Variants in MERTK observed in about 807,000 individuals in gnomAD.
MERTK encodes MER proto-oncogene, tyrosine kinase.
A neutral mutation model predicts 99.3 loss-of-function variants in MERTK; 69 were observed. That is an observed-to-expected ratio of 0.70 (90% CI 0.57 to 0.85). The LOEUF is 0.85. Among genes scored for constraint, MERTK ranks in the 40% least tolerant of loss-of-function variants. MERTK has a pLI of 0.00. For synonymous variants in MERTK, 426 were observed against 467.6 expected (o/e 0.91, Z 1.15); for missense variants, 1,125 against 1,249.4 (o/e 0.90, Z 1.50).
Position 111,911,347 on chromosome 2 carries a change from TACCATA to T in MERTK, c.61+12552_61+12557del, listed in dbSNP as rs545816163. ...ATCTTCATAGACAAATATGTAAATATACCATAGTTTTATTTATCCAATCTCCTCCTT... is the reference window on the plus strand; with the variant it reads ...ATCTTCATAGACAAATATGTAAATATGTTTTATTTATCCAATCTCCTCCTT... On this transcript the variant is annotated intron_variant, in intron 1 of 18. Coordinates refer to ENST00000295408, the MANE Select transcript of MERTK (RefSeq NM_006343.3). 3.7e-4 allele frequency among the ~76,000 whole-genome samples: 57 copies of T among 152,284 alleles called. 1 individual carries two copies. In the East Asian group the frequency reaches 0.01, roughly 27 times the overall value.
At chr2:111,969,990 C>T (rs1192008075) in intron 6 of MERTK, among the ~76,000 whole-genome samples, 2 of 151,426 alleles carry the variant, frequency 1.3e-5, no homozygotes, top group African/African-American at 4.9e-5. Flanking sequence ...CGCGCCCTGC[C>T]CAGCCTTTCT....
chr2:111,907,800 C>T (rs1254578443), intron 1 of MERTK, among the ~76,000 whole-genome samples: 12 of 152,156 alleles, frequency 7.9e-5, no homozygotes, highest in Non-Finnish European at 1.6e-4. Flanking sequence ...TAGAATGCAA[C>T]GCTCTTAAAT....
chr2:111,934,260 A>G (rs555100720), intron 2 of MERTK, among the ~76,000 whole-genome samples: 83 of 152,256 alleles, frequency 5.5e-4, no homozygotes, highest in Non-Finnish European at 9.1e-4. Flanking sequence ...GCTGGGTCAA[A>G]TGGTATTTCT....
chr2:111,967,074 A>G (rs1030086863), intron 5 of MERTK, among the ~76,000 whole-genome samples: 13 of 152,176 alleles, frequency 8.5e-5, no homozygotes, highest in Non-Finnish European at 1.9e-4. Flanking sequence ...GGGGCCATAC[A>G]GCAGGTCAGG....
intron 4 of MERTK, among the ~76,000 whole-genome samples, chr2:111,957,320 A>G (rs1384127136): frequency 1.3e-5 from 2 of 151,650 alleles, no homozygotes; most frequent in African/African-American, 4.9e-5. Flanking sequence ...TGGGTTTTCT[A>G]CCCAACTCAG....
chr2:111,983,490 C>T (rs1316220242), intron 8 of MERTK, among the ~76,000 whole-genome samples: 3 of 152,206 alleles, frequency 2.0e-5, no homozygotes, highest in Non-Finnish European at 4.4e-5. Context: ...GGAGACCGAG[C>T]AAGCTCTCTG....
At chr2:111,899,282 C>G (rs898040491) in intron 1 of MERTK, among the ~76,000 whole-genome samples, 1 of 152,040 alleles carries the variant, frequency 6.6e-6, no homozygotes, top group African/African-American at 2.4e-5. Context: ...CTGCGGGAGT[C>G]GGAGCCGCAG....
At chr2:111,999,303 T>C (rs988312251) in intron 10 of MERTK, among the ~76,000 whole-genome samples, 2 of 152,168 alleles carry the variant, frequency 1.3e-5, no homozygotes, top group African/African-American at 4.8e-5. Flanking sequence ...TTTTTAAAAT[T>C]AATTTATTTT....
Position 112,028,479 on chromosome 2 carries a change from ACGT to A in MERTK, c.2617_2619del (p.Val873del). On this transcript the variant is annotated inframe_deletion, in exon 19 of 19. Transcript: ENST00000295408. ...GTTCGGAACCAAGCAGACGTTATTT[ACGT>A]CAATACACAGTTGCTGGAGAGCTCT... 6.2e-7 allele frequency: 1 copy of A among 1,614,212 alleles called. No individual in the cohort carries two copies. The highest frequency in any genetic ancestry group is 8.5e-7 in the Non-Finnish European group (1 of 1,180,042).
At chr2:112,026,721 G>A (rs1025012198) in intron 18 of MERTK, among the ~76,000 whole-genome samples, 1 of 152,156 alleles carries the variant, frequency 6.6e-6, no homozygotes, top group African/African-American at 2.4e-5. Context: ...TTCCGGATGC[G>A]TGTGCAAGTG....
chr2:112,024,418 C>T (rs867855409), intron 18 of MERTK, among the ~76,000 whole-genome samples: 3 of 152,218 alleles, frequency 2.0e-5, no homozygotes, highest in Non-Finnish European at 2.9e-5. Flanking sequence ...CAGCACACGC[C>T]GTGTGGCTGG....
At chr2:111,907,873 A>G (rs751011726) in intron 1 of MERTK, among the ~76,000 whole-genome samples, 1 of 152,268 alleles carries the variant, frequency 6.6e-6, no homozygotes, top group Non-Finnish European at 1.5e-5. Flanking sequence ...AAGAAGAGGT[A>G]TGCTTCAGAA....
chr2:111,953,332 C>A (rs986360166), intron 4 of MERTK, among the ~76,000 whole-genome samples: 2 of 152,196 alleles, frequency 1.3e-5, no homozygotes, highest in African/African-American at 4.8e-5. Context: ...ACGCAGTATA[C>A]CGCACTGCTC....
intron 15 of MERTK, among the ~76,000 whole-genome samples, chr2:112,010,617 A>G (rs1449619943): frequency 6.6e-6 from 1 of 152,098 alleles, no homozygotes; most frequent in African/African-American, 2.4e-5. Flanking sequence ...TCATCTAGGA[A>G]ATTTAGGACC....
chr2:111,925,510 C>T (rs1684546948), intron 1 of MERTK, among the ~76,000 whole-genome samples: 1 of 151,268 alleles, frequency 6.6e-6, no homozygotes. Context: ...ACCATGTTGG[C>T]CAGGCTTGTC....
At chr2:111,965,061 A>T in intron 4 of MERTK, 130 bp from the exon 5 acceptor site, 1 of 870,100 alleles carries the variant, frequency 1.1e-6, no homozygotes, top group Non-Finnish European at 1.8e-6. Flanking sequence ...CACACCTTTT[A>T]AATTAACTTT....
rs530983214 is a variant in MERTK at position 111,987,477 on chromosome 2, C to T, written c.1296+4484C>T. 6.6e-5 allele frequency among the ~76,000 whole-genome samples: 10 copies of T among 152,294 alleles called. No individual in the cohort carries two copies. The South Asian group carries it at 1.9e-3, about 28-fold the overall frequency. ...TTTGAAGTTGGAGGCAGGTCTTGCT[C>T]GTCTTTGTACTGTCTGAACACAGGG... On this transcript the variant is annotated intron_variant, in intron 8 of 18. Transcript: ENST00000295408.
chr2:111,929,580 A>G (rs1468613971), intron 2 of MERTK, 40 bp downstream of exon 2: 1 of 1,092,342 alleles, frequency 9.2e-7, no homozygotes. Flanking sequence ...TTTAGTTTTA[A>G]TATTTATTTA....
In MERTK at chr2:112,019,461, G is replaced by A; in HGVS notation, c.2128G>A (p.Gly710Arg). The change falls in exon 16 of 19, where the codon GGA (glycine) becomes AGA (arginine). Residue 710 changes from glycine to arginine, a missense_variant. By Grantham distance (125) the Gly-to-Arg change is moderately radical. Transcript: ENST00000295408. ...LLKFMVDIAL[G>R]MEYLSNRNFL... ...GAAGTTCATGGTGGATATTGCCCTG[G>A]GAATGGAGTATCTGAGCAACAGGAA... 1.2e-6 allele frequency: 2 copies of A among 1,613,906 alleles called. No individual in the cohort carries two copies. Among genetic ancestry groups the A allele is most frequent in the Non-Finnish European group, 8.5e-7 (1 of 1,179,860 alleles).
Sources: gnomAD v4.1 joint callset for allele counts (sites outside exome capture counted in the v4.1 genomes callset) on GRCh38, gnomAD v4.1.1 for gene constraint, MANE v1.5 for transcripts, NCBI Gene and HGNC (gene_info 2026-07-23, HGNC 2026-07-21) for gene names.